IDE: variants seen among roughly 807,000 people sequenced by gnomAD.
IDE encodes the protein insulin-degrading enzyme.
In IDE, 58 loss-of-function variants were observed where a neutral mutation model predicts 133.2. The observed-to-expected ratio is 0.44, with a 90% confidence interval of 0.35 to 0.54. The LOEUF (loss-of-function observed/expected upper bound fraction) is 0.54. Ranked by LOEUF, IDE falls within the 20% of genes least tolerant of loss-of-function variation. The pLI is 0.00. For synonymous variants in IDE, 396 were observed against 421.3 expected (o/e 0.94, Z 0.73); for missense variants, 981 against 1,234.0 (o/e 0.79, Z 3.07).
At position 92,463,941 on chromosome 10, in the gene IDE, G is replaced by A; in HGVS notation, c.2551C>T (p.Gln851Ter). Residue 851 changes from glutamine (Q) to a stop codon, truncating the protein, a stop_gained, in exon 21 of 25, where the codon CAG (glutamine) becomes TAG (stop). Coordinates refer to ENST00000265986, the MANE Select transcript of IDE (RefSeq NM_004969.4). LOFTEE classifies it high-confidence loss of function. ...AGGTAGTGAGGTGGCTTTTCTGACT[G>A]GATGATGAATCTCAAGCCCTGTATG... The part of the protein sequence containing the change: ...NGIQGLRFII[Q>*]SEKPPHYLES... 1.9e-6 allele frequency: 3 copies of A among 1,614,140 alleles called. No individual in the cohort carries two copies. The highest frequency in any genetic ancestry group is 2.5e-6 in the Non-Finnish European group (3 of 1,179,994).
chr10:92,495,876 T>G (rs1276820516), intron 11 of IDE, among the ~76,000 whole-genome samples: 1 of 151,698 alleles, frequency 6.6e-6, no homozygotes, highest in Non-Finnish European at 1.5e-5. Context: ...AAACCATTTT[T>G]TAAGTGTTTT....
At chr10:92,560,103 C>A (rs1303021740) in intron 1 of IDE, among the ~76,000 whole-genome samples, 1 of 152,126 alleles carries the variant, frequency 6.6e-6, no homozygotes, top group African/African-American at 2.4e-5. Context: ...TATGACAATT[C>A]CTAATTTGTT....
At chr10:92,490,432 G>C in intron 12 of IDE, 61 bp downstream of exon 12, 1 of 1,030,402 alleles carries the variant, frequency 9.7e-7, no homozygotes, top group South Asian at 1.3e-5. Flanking sequence ...GGTGGATCTA[G>C]GGAGCAATGT....
rs751261195 is a variant in IDE at position 92,463,953 on chromosome 10, T to G, written c.2539A>C (p.Arg847=). The G allele has an allele frequency of 6.2e-7, 1 of 1,614,084 alleles. No individual in the cohort carries two copies. The highest frequency in any genetic ancestry group is 1.3e-5 in the African/African-American group (1 of 74,936). Residue 847 remains arginine, a synonymous_variant, in exon 21 of 25, where the codon AGA becomes CGA. Coordinates refer to ENST00000265986, the MANE Select transcript of IDE (RefSeq NM_004969.4). ...GGCTTTTCTGACTGGATGATGAATCTCAAGCCCTGTATGCCATTAGCTCGA... is the reference window on the plus strand; with the variant it reads ...GGCTTTTCTGACTGGATGATGAATCGCAAGCCCTGTATGCCATTAGCTCGA... ...PRRANGIQGL[R]FIIQSEKPPH...
intron 15 of IDE, chr10:92,478,571 G>T: frequency 1.1e-6 from 1 of 882,312 alleles, no homozygotes; most frequent in Non-Finnish European, 1.4e-6. Flanking sequence ...AAAATGCGAA[G>T]TTAATAGTTT....
intron 1 of IDE, chr10:92,572,877 C>T: frequency 7.1e-6 from 7 of 985,040 alleles, no homozygotes; most frequent in Non-Finnish European, 8.4e-6. Context: ...CCACACACTA[C>T]CCATACTACC....
chr10:92,456,859 AAAAAAAAAAAAAAAG>A (rs1337085619), intron 22 of IDE, among the ~76,000 whole-genome samples: 42 of 149,780 alleles, frequency 2.8e-4, no homozygotes, highest in Non-Finnish European at 5.7e-4. Flanking sequence ...AAAAAAAAAA[AAAAAAAAAAAAAAAG>A]AAAAAGAAAA....
At chr10:92,556,421 G>A (rs370454265) in intron 1 of IDE, among the ~76,000 whole-genome samples, 1 of 151,932 alleles carries the variant, frequency 6.6e-6, no homozygotes, top group African/African-American at 2.4e-5. Context: ...TCAGGAGTTC[G>A]AGACCAGCCT....
intron 11 of IDE, among the ~76,000 whole-genome samples, chr10:92,491,080 T>A (rs906545272): frequency 6.6e-6 from 1 of 151,534 alleles, no homozygotes; most frequent in Admixed American, 6.6e-5. Flanking sequence ...CTACAAAAAA[T>A]TGTAATAATT....
intron 15 of IDE, 148 bp from the exon 16 acceptor site, chr10:92,476,142 T>C (rs1846239710): frequency 3.5e-6 from 2 of 578,736 alleles, no homozygotes; most frequent in Middle Eastern, 4.5e-4. Context: ...TAAATATATA[T>C]AGTGTAACAC....
intron 12 of IDE, among the ~76,000 whole-genome samples, chr10:92,488,738 T>C (rs1013267330): frequency 6.6e-6 from 1 of 150,610 alleles, no homozygotes; most frequent in African/African-American, 2.5e-5. Flanking sequence ...GATGGCGCCA[T>C]TGCACTCCAG....
chr10:92,477,320 T>G lies in IDE; in HGVS notation c.1885-1326A>C, dbSNP rs188777064. ...GTACACACCACCATGTCTGGCTAATTTTTTGTATTTTTTGTAGAGACAGGG... is the reference window on the plus strand; with the variant it reads ...GTACACACCACCATGTCTGGCTAATGTTTTGTATTTTTTGTAGAGACAGGG... On this transcript the variant is annotated intron_variant, in intron 15 of 24. Coordinates refer to ENST00000265986, the MANE Select transcript of IDE (RefSeq NM_004969.4). Among the ~76,000 whole-genome samples, 6 of 152,148 alleles carry G rather than the reference T, an allele frequency of 3.9e-5. No individual in the cohort carries two copies. The East Asian group carries it at 1.2e-3, about 29-fold the overall frequency.
chr10:92,534,535 T>G (rs754083136), intron 3 of IDE, 43 bp downstream of exon 3: 6 of 1,045,698 alleles, frequency 5.7e-6, no homozygotes, highest in Non-Finnish European at 7.3e-6. Context: ...ATTAATGTGA[T>G]AAGTACACAA....
intron 13 of IDE, among the ~76,000 whole-genome samples, chr10:92,483,742 C>A (rs1436767262): frequency 6.6e-6 from 1 of 152,176 alleles, no homozygotes; most frequent in Non-Finnish European, 1.5e-5. Context: ...GATTCACAGC[C>A]TTGGGTGGTC....
chr10:92,574,001 A>C lies in IDE; in HGVS notation c.19T>G (p.Trp7Gly). 1 of 1,511,352 alleles carries C rather than the reference A, an allele frequency of 6.6e-7. No homozygotes were observed. The highest frequency in any genetic ancestry group is 2.2e-5 in the Admixed American group (1 of 45,576). The allele number at this position is 1,511,352 out of a possible 1,614,324, so 93.6% of individuals were successfully genotyped here. MRYRLA[W>G]LLHPALPSTF... Reference sequence around the variant, plus strand: ...CTGGGCAGTGCGGGGTGCAGAAGCCACGCTAGCCGGTACCGCATTAGCCAG... The same window carrying C: ...CTGGGCAGTGCGGGGTGCAGAAGCCCCGCTAGCCGGTACCGCATTAGCCAG... Residue 7 changes from tryptophan (W) to glycine (G), a missense_variant, in exon 1 of 25, where the codon TGG (tryptophan) becomes GGG (glycine). Around this residue, in one of 2 missense-constraint regions of IDE, gnomAD observed 321 missense variants for 339.3 expected, o/e 0.95. Transcript: ENST00000265986.
intron 11 of IDE, among the ~76,000 whole-genome samples, chr10:92,501,177 T>C (rs1389074126): frequency 6.9e-6 from 1 of 145,222 alleles, no homozygotes; most frequent in African/African-American, 2.6e-5. Flanking sequence ...CTGGGCAACA[T>C]AGTGAGACTC....
At chr10:92,499,577 C>A (rs1307335090) in intron 11 of IDE, among the ~76,000 whole-genome samples, 1 of 151,986 alleles carries the variant, frequency 6.6e-6, no homozygotes. Flanking sequence ...GGACTACAGG[C>A]ACGTACCACC....
rs1272833262 is a variant in IDE at position 92,534,915 on chromosome 10, C to G, written c.284-130G>C. On this transcript the variant is annotated intron_variant, in intron 2 of 24. Coordinates refer to ENST00000265986, the MANE Select transcript of IDE (RefSeq NM_004969.4). The stretch of plus-strand genomic sequence containing the variant: ...TCAGAGAAAGTTAAGCACAAGCTAC[C>G]TAAAATGATATTATTTAGAAAGTAA... The G allele has an allele frequency of 4.6e-6, 3 of 648,154 alleles. No individual in the cohort carries two copies. The African/African-American group carries it at 5.5e-5, about 12-fold the overall frequency. The allele number at this position is 648,154 out of a possible 1,614,324, so 40.2% of individuals were successfully genotyped here. A position where few individuals can be genotyped will look rare whatever the true frequency, so the allele number is the denominator to read the frequency against.
chr10:92,531,933 ATAAT>A lies in IDE; in HGVS notation c.492-20_492-17del. 6.8e-7 allele frequency: 1 copy of A among 1,467,440 alleles called. No individual in the cohort carries two copies. Among genetic ancestry groups the A allele is most frequent in the Non-Finnish European group, 9.1e-7 (1 of 1,096,316 alleles). The allele number at this position is 1,467,440 out of a possible 1,614,324, so 90.9% of individuals were successfully genotyped here. A position where few individuals can be genotyped will look rare whatever the true frequency, so the allele number is the denominator to read the frequency against. ...CTGTGCAAACCTAAGGGTACGAAAC[ATAAT>A]TAAAACTTGAAAGATGTCATTTTAA... is the stretch of plus-strand genomic sequence containing the variant. On this transcript the variant is annotated splice_polypyrimidine_tract_variant and intron_variant, in intron 3 of 24. Transcript: ENST00000265986.
Sources: allele counts gnomAD v4.1 joint callset (sites outside exome capture counted in the v4.1 genomes callset), GRCh38; gene constraint gnomAD v4.1.1; regional missense constraint gnomAD v4.1.1; transcripts MANE v1.5; gene names NCBI Gene and HGNC (gene_info 2026-07-23, HGNC 2026-07-21).